The following ATP2C1 variants were observed in gnomAD, a reference collection of about 807,000 sequenced individuals.
ATP2C1 encodes ATPase secretory pathway Ca2+ transporting 1.
ATP2C1 carries 31 observed loss-of-function variants against 120.5 expected under a neutral mutation model. That is an observed-to-expected ratio of 0.26 (90% CI 0.19 to 0.35). ATP2C1 has a LOEUF of 0.35. ATP2C1 is among the 10% of genes least tolerant of loss of function. ATP2C1 has a pLI of 1.00. For missense variants in ATP2C1, 731 were observed against 1,107.5 expected (o/e 0.66, Z 4.83); for synonymous variants, 351 against 358.7 (o/e 0.98, Z 0.24).
At chr3:130,996,590 G>C in intron 23 of ATP2C1, 90 bp from the exon 24 acceptor site, 1 of 884,874 alleles carries the variant, frequency 1.1e-6, no homozygotes, top group South Asian at 1.3e-5. Flanking sequence ...AAGCATAGTA[G>C]TAAGAGATTT....
chr3:130,890,909 G>GTT (rs1399177069), upstream of ATP2C1, among the ~76,000 whole-genome samples: 1 of 152,138 alleles, frequency 6.6e-6, no homozygotes, highest in African/African-American at 2.4e-5. Flanking sequence ...ATCTTTATAT[G>GTT]TTTTTAACGT....
chr3:130,937,534 A>G, intron 6 of ATP2C1, 71 bp downstream of exon 6: 1 of 1,303,144 alleles, frequency 7.7e-7, no homozygotes, highest in Non-Finnish European at 1.1e-6. Context: ...CTTGTGGTAG[A>G]ACCTACCGTT....
chr3:130,979,476 C>A, intron 19 of ATP2C1, 57 bp downstream of exon 19: 4 of 1,534,528 alleles, frequency 2.6e-6, no homozygotes, highest in East Asian at 2.3e-5. Flanking sequence ...TACTGTGGTG[C>A]ATAATTTTGT....
chr3:130,988,254 C>T (rs2062119486), intron 20 of ATP2C1, among the ~76,000 whole-genome samples: 1 of 152,036 alleles, frequency 6.6e-6, no homozygotes, highest in Admixed American at 6.6e-5. Context: ...TTAATATTTT[C>T]CTTTCTTTTT....
intron 12 of ATP2C1, among the ~76,000 whole-genome samples, chr3:130,961,432 T>C (rs571319392): frequency 7.9e-5 from 12 of 152,046 alleles, no homozygotes; most frequent in Non-Finnish European, 1.2e-4. Context: ...AGCTACATTA[T>C]GGGACCTTTA....
intron 2 of ATP2C1, among the ~76,000 whole-genome samples, chr3:130,915,818 C>T (rs995945323): frequency 2.0e-5 from 3 of 152,154 alleles, no homozygotes; most frequent in African/African-American, 7.2e-5. Flanking sequence ...AGTGGTAGAC[C>T]TCTTCTACAT....
At position 130,987,062 on chromosome 3, in the gene ATP2C1, C is replaced by T. The variant is rs72985789; in HGVS notation, c.1840-5889C>T. Among the ~76,000 whole-genome samples, 560 of 151,508 alleles carry T rather than the reference C, an allele frequency of 3.7e-3. 2 individuals carry two copies. The highest frequency in any genetic ancestry group is 0.013 in the African/African-American group (533 of 41,276). ...CCAAGCTATCCTCTGCCTTAGCCTCCCAAGTAGCTGGAACTGTAGGTGCTC... is the reference window on the plus strand; with the variant it reads ...CCAAGCTATCCTCTGCCTTAGCCTCTCAAGTAGCTGGAACTGTAGGTGCTC... On this transcript the variant is annotated intron_variant, in intron 20 of 27. Coordinates refer to ENST00000510168, the MANE Select transcript of ATP2C1 (RefSeq NM_001378687.1).
At chr3:131,016,317 A>C (rs780397164) in exon 27 of ATP2C1, 1 of 1,614,196 alleles carries the variant, frequency 6.2e-7, no homozygotes. Context: ...TCTTAGCACC[A>C]TCTTCCTGCA....
rs539083187 is a variant in ATP2C1 at position 130,964,235 on chromosome 3, A to G, written c.1024+140A>G. On this transcript the variant is annotated intron_variant, in intron 13 of 27. Transcript: ENST00000510168. ...TATGGCAAAATTGGATATGGTTTTA[A>G]CAACCAAAAAAGGCAATTAAAAATT... is the stretch of plus-strand genomic sequence containing the variant. 7 of 1,269,044 alleles carry G rather than the reference A, an allele frequency of 5.5e-6. No individual in the cohort carries two copies. The East Asian group carries it at 1.4e-4, about 26-fold the overall frequency. 78.6% of individuals were successfully genotyped at this position (1,269,044 alleles called of 1,614,324 possible).
chr3:131,001,235 T>G lies in ATP2C1; in HGVS notation c.2645T>G (p.Leu882Trp). The change falls in exon 28 of 28, where the codon TTG (leucine) becomes TGG (tryptophan). Residue 882 changes from leucine (L) to tryptophan (W), a missense_variant. Leu to Trp is a moderately conservative substitution (Grantham distance 61). Coordinates refer to ENST00000510168, the MANE Select transcript of ATP2C1 (RefSeq NM_001378687.1). ...SLSILDLLFL[L>W]GLTSSVCIVA... ...TCTCTTGCAGATCTGTTGTTTCTTT[T>G]GGGTCTCACCTCATCAGTGTGCATA... The G allele has an allele frequency of 6.2e-7, 1 of 1,613,836 alleles. No individual in the cohort carries two copies. Among genetic ancestry groups the G allele is most frequent in the Non-Finnish European group, 8.5e-7 (1 of 1,179,824 alleles).
At chr3:130,931,970 T>C in intron 3 of ATP2C1, 52 bp from the exon 4 acceptor site, 1 of 1,220,794 alleles carries the variant, frequency 8.2e-7, no homozygotes, top group South Asian at 1.2e-5. Context: ...TTTTTGTGTT[T>C]TTCTTTTCTG....
rs117358118 is a variant in ATP2C1, at chr3:130,994,116, G to A, written c.2057+18G>A. 727 of 1,613,782 alleles carry A rather than the reference G, an allele frequency of 4.5e-4. 6 individuals carry two copies. The East Asian group carries it at 0.015, about 33-fold the overall frequency. ...ACCATAATGTAAGCTTTGTTTCAGT[G>A]AATGCCTATCAGAGAATCTTCCCCT... On this transcript the variant is annotated intron_variant, in intron 22 of 27. Coordinates refer to ENST00000510168, the MANE Select transcript of ATP2C1 (RefSeq NM_001378687.1).
At chr3:130,912,882 A>G (rs1453836985) in intron 2 of ATP2C1, among the ~76,000 whole-genome samples, 2 of 152,150 alleles carry the variant, frequency 1.3e-5, no homozygotes, top group Non-Finnish European at 2.9e-5. Flanking sequence ...GACTGGATTA[A>G]GAAAATGTGG....
intron 7 of ATP2C1, among the ~76,000 whole-genome samples, chr3:130,941,252 G>GTC (rs1553764218): frequency 6.6e-4 from 96 of 144,384 alleles, no homozygotes; most frequent in Middle Eastern, 3.5e-3. Context: ...GTGTGTGTGT[G>GTC]TGTGTGTGTG....
Position 130,969,407 on chromosome 3 carries a change from GT to G in ATP2C1, c.1413+14del. 6.3e-7 allele frequency: 1 copy of G among 1,598,282 alleles called. No individual in the cohort carries two copies. The highest frequency in any genetic ancestry group is 1.1e-5 in the South Asian group (1 of 90,700). ...CACCGAACACAGCAGGTATCCATCT[GT>G]TTAAAGAATACTTATTTCCTGTTTA... On this transcript the variant is annotated intron_variant, in intron 17 of 27. Coordinates refer to ENST00000510168, the MANE Select transcript of ATP2C1 (RefSeq NM_001378687.1).
At chr3:131,006,698 T>A (rs1385054054), downstream of ATP2C1, among the ~76,000 whole-genome samples, 1 of 151,714 alleles carries the variant, frequency 6.6e-6, no homozygotes, top group East Asian at 1.9e-4. Context: ...ACTTTTTTTT[T>A]TTTTGGCAGG....
At chr3:130,965,112 C>T in intron 14 of ATP2C1, 67 bp downstream of exon 14, 4 of 1,069,402 alleles carry the variant, frequency 3.7e-6, no homozygotes, top group Non-Finnish European at 5.8e-6. Flanking sequence ...GTTTAACATT[C>T]CTAACAGTTC....
At chr3:130,898,278 G>T (rs2069817676) in intron 2 of ATP2C1, among the ~76,000 whole-genome samples, 1 of 152,050 alleles carries the variant, frequency 6.6e-6, no homozygotes, top group Non-Finnish European at 1.5e-5. Context: ...TTTTTTGTTT[G>T]AAAATGGTTG....
rs143199078 is a variant in ATP2C1 at position 130,955,015 on chromosome 3, G to A, written c.691G>A (p.Val231Ile). The change falls in exon 10 of 28, where the codon GTT (valine) becomes ATT (isoleucine). Residue 231 changes from valine (V) to isoleucine (I), a missense_variant. Val to Ile is a conservative substitution (Grantham distance 29). This residue lies in a region of ATP2C1 where 571 missense variants were observed against 845.9 expected (regional missense o/e 0.67). Transcript: ENST00000510168. ...TLVRCGKAKG[V>I]VIGTGENSEF... ...ATTTTCCTGTTTTTCCCCTTAGGGT[G>A]TTGTCATTGGAACAGGAGAAAATTC... The A allele has an allele frequency of 5.5e-4, 892 of 1,611,270 alleles. 3 individuals are homozygous for A. The African/African-American group carries it at 0.011, about 19-fold the overall frequency.
Sources: gnomAD v4.1 joint callset for allele counts (sites outside exome capture counted in the v4.1 genomes callset) on GRCh38, gnomAD v4.1.1 for gene constraint, gnomAD v4.1.1 regional missense constraint, MANE v1.5 for transcripts, NCBI Gene and HGNC (gene_info 2026-07-23, HGNC 2026-07-21) for gene names.